Variants in SDK1 observed in about 807,000 individuals in gnomAD.
SDK1 encodes sidekick cell adhesion molecule 1.
In SDK1, 157 loss-of-function variants were observed where a neutral mutation model predicts 245.5. The observed-to-expected ratio is 0.64, with a 90% CI of 0.56 to 0.73. SDK1 has a LOEUF of 0.73. SDK1 is among the 30% of genes least tolerant of loss of function. The pLI, the probability that SDK1 is intolerant of heterozygous loss-of-function variation, is 0.00. For missense variants in SDK1, 3,583 were observed against 3,002.3 expected (o/e 1.19, Z -4.52); for synonymous variants, 1,647 against 1,278.5 (o/e 1.29, Z -6.15).
intron 1 of SDK1, among the ~76,000 whole-genome samples, chr7:3,337,154 A>G (rs187160407): frequency 6.6e-6 from 1 of 152,340 alleles, no homozygotes. Context: ...AAATGTTTCA[A>G]CAAGCTATTA....
intron 1 of SDK1, among the ~76,000 whole-genome samples, chr7:3,389,042 G>T (rs183341804): frequency 3.3e-5 from 5 of 152,300 alleles, no homozygotes; most frequent in Admixed American, 1.3e-4. Flanking sequence ...GTTTGGAAAG[G>T]CCTCTCAGGA....
At chr7:3,628,015 A>G (rs1782173032) in intron 2 of SDK1, among the ~76,000 whole-genome samples, 1 of 152,110 alleles carries the variant, frequency 6.6e-6, no homozygotes, top group Non-Finnish European at 1.5e-5. Context: ...ATTCAAAGTT[A>G]AGGACCAAAG....
rs1234375214 is a variant in SDK1 at position 4,209,433 on chromosome 7, C to T, written c.5402-592C>T. 3.9e-5 allele frequency among the ~76,000 whole-genome samples: 6 copies of T among 152,316 alleles called. No homozygotes were observed. In the East Asian group the frequency reaches 1.2e-3, roughly 29 times the overall value. ...CGGCGCCCGGGCAGAGGGGGAGCTG[C>T]CAGCAGGCTCCACATCACCCCGGCC... On this transcript the variant is annotated intron_variant, in intron 37 of 44. Transcript: ENST00000404826.
At chr7:3,706,806 G>A (rs1784904640) in intron 4 of SDK1, among the ~76,000 whole-genome samples, 1 of 152,048 alleles carries the variant, frequency 6.6e-6, no homozygotes, top group African/African-American at 2.4e-5. Flanking sequence ...TATGTTTCCA[G>A]GAATTTATTC....
intron 19 of SDK1, among the ~76,000 whole-genome samples, chr7:4,062,349 G>C (rs933707024): frequency 4.6e-5 from 7 of 151,940 alleles, no homozygotes; most frequent in African/African-American, 1.7e-4. Flanking sequence ...CTAACAAATT[G>C]GAAAACCTAG....
At chr7:3,485,965 C>CT (rs1370287435) in intron 1 of SDK1, among the ~76,000 whole-genome samples, 2 of 151,180 alleles carry the variant, frequency 1.3e-5, no homozygotes, top group African/African-American at 2.4e-5. Flanking sequence ...ATGCCTAGTG[C>CT]TTTTAGGACA....
chr7:3,420,981 G>C (rs1244065692), intron 1 of SDK1, among the ~76,000 whole-genome samples: 2 of 151,944 alleles, frequency 1.3e-5, no homozygotes, highest in Non-Finnish European at 2.9e-5. Context: ...TCTTTTTAAA[G>C]GTTAGTACTT....
intron 32 of SDK1, among the ~76,000 whole-genome samples, chr7:4,166,217 G>A (rs978042731): frequency 6.6e-6 from 1 of 152,232 alleles, no homozygotes; most frequent in African/African-American, 2.4e-5. Flanking sequence ...GCAAAGGCAG[G>A]GAGGCATCCC....
intron 1 of SDK1, among the ~76,000 whole-genome samples, chr7:3,494,798 G>A (rs978802978): frequency 6.6e-6 from 1 of 152,208 alleles, no homozygotes; most frequent in Non-Finnish European, 1.5e-5. Flanking sequence ...ATTATGCTGT[G>A]TAACTGAGGG....
intron 1 of SDK1, among the ~76,000 whole-genome samples, chr7:3,577,354 G>A (rs903685337): frequency 6.6e-5 from 10 of 152,062 alleles, no homozygotes; most frequent in African/African-American, 2.4e-4. Flanking sequence ...TAGGTATCCA[G>A]GCCAAGGTTT....
intron 1 of SDK1, among the ~76,000 whole-genome samples, chr7:3,486,373 C>T (rs1781694629): frequency 6.6e-6 from 1 of 151,970 alleles, no homozygotes; most frequent in Non-Finnish European, 1.5e-5. Context: ...ACCTGGGTTT[C>T]AAATGTGCTG....
At position 3,934,288 on chromosome 7, in the gene SDK1, C is replaced by T. The variant is rs183276225; in HGVS notation, c.848-16635C>T. Among the ~76,000 whole-genome samples the T allele has an allele frequency of 1.8e-4, 28 of 152,276 alleles. No individual in the cohort carries two copies. In the East Asian group the frequency reaches 5.2e-3, roughly 28 times the overall value. On this transcript the variant is annotated intron_variant, in intron 5 of 44. Transcript: ENST00000404826. ...TATTTATCTCCTTTTTTCTTTCTCTCCTGTGTTCAAACCATTTGTTAAGAC... is the reference window on the plus strand; with the variant it reads ...TATTTATCTCCTTTTTTCTTTCTCTTCTGTGTTCAAACCATTTGTTAAGAC...
chr7:4,043,363 G>T (rs1484367459), intron 17 of SDK1, among the ~76,000 whole-genome samples: 1 of 151,218 alleles, frequency 6.6e-6, no homozygotes, highest in Non-Finnish European at 1.5e-5. Context: ...CAGGGACCCA[G>T]GCAGAGTGAG....
chr7:3,734,077 A>T (rs1249893903), intron 4 of SDK1, among the ~76,000 whole-genome samples: 1 of 152,228 alleles, frequency 6.6e-6, no homozygotes, highest in African/African-American at 2.4e-5. Context: ...TTCCTTGCCC[A>T]GGCTCCCCGT....
At chr7:3,686,417 T>C (rs1353833778) in intron 4 of SDK1, among the ~76,000 whole-genome samples, 1 of 152,158 alleles carries the variant, frequency 6.6e-6, no homozygotes, top group African/African-American at 2.4e-5. Flanking sequence ...AGCGTCTGTA[T>C]TAACATCAGA....
intron 5 of SDK1, among the ~76,000 whole-genome samples, chr7:3,867,582 T>C (rs940595483): frequency 6.6e-6 from 1 of 152,136 alleles, no homozygotes; most frequent in Non-Finnish European, 1.5e-5. Context: ...GGAGCTTCTC[T>C]TTATAAAACC....
At chr7:3,711,363 G>A (rs771110760) in intron 4 of SDK1, among the ~76,000 whole-genome samples, 10 of 152,160 alleles carry the variant, frequency 6.6e-5, no homozygotes, top group Admixed American at 3.9e-4. Flanking sequence ...GACAAGTAAG[G>A]CCTCTGACCT....
chr7:3,383,536 T>C (rs1781541122), intron 1 of SDK1, among the ~76,000 whole-genome samples: 1 of 152,304 alleles, frequency 6.6e-6, no homozygotes, highest in East Asian at 1.9e-4. Context: ...TTGTGCTTAT[T>C]TGAGACACTT....
In SDK1 at chr7:4,114,148, C is replaced by A. The variant is rs1783538879; in HGVS notation, c.3697C>A (p.Leu1233Met). Residue 1233 changes from leucine to methionine, a missense_variant, in exon 25 of 45, where the codon CTG (leucine) becomes ATG (methionine). Leu to Met is a conservative substitution (Grantham distance 15). Transcript: ENST00000404826. ...AGTGGCCCAAGTCGTCAGTGACCGG[C>A]TGGAGAGAGAATTCACCATCGAGGA... ...SAVAQVVSDRLEREFTIEELE... is the reference protein window; with the variant it reads ...SAVAQVVSDRMEREFTIEELE... 6.2e-7 allele frequency: 1 copy of A among 1,614,216 alleles called. No homozygotes were observed. The highest frequency in any genetic ancestry group is 2.2e-5 in the East Asian group (1 of 44,884).
Sources: allele counts gnomAD v4.1 joint callset (sites outside exome capture counted in the v4.1 genomes callset), GRCh38; gene constraint gnomAD v4.1.1; transcripts MANE v1.5; gene names NCBI Gene and HGNC (gene_info 2026-07-23, HGNC 2026-07-21).